The following UNC5D variants were observed in gnomAD, a reference collection of about 807,000 sequenced individuals.
The protein encoded by UNC5D is unc-5 netrin receptor D, also known as netrin receptor UNC5D.
Under a neutral mutation model 105.4 loss-of-function variants are expected in UNC5D, and 39 were observed. The observed-to-expected ratio is 0.37, with a 90% CI of 0.29 to 0.48. The LOEUF (loss-of-function observed/expected upper bound fraction) is 0.48. Ranked by LOEUF, UNC5D falls within the 20% of genes least tolerant of loss-of-function variation. The pLI is 0.98. For synonymous variants in UNC5D, 452 were observed against 450.4 expected, an observed-to-expected ratio of 1.00 and a Z score of -0.04; for missense variants, 991 against 1,202.4, an observed-to-expected ratio of 0.82 and a Z score of 2.60.
intron 2 of UNC5D, among the ~76,000 whole-genome samples, chr8:35,559,064 C>T (rs1816750436): frequency 6.6e-6 from 1 of 152,052 alleles, no homozygotes; most frequent in African/African-American, 2.4e-5. Flanking sequence ...CAAGGCCCAG[C>T]ATTACTCATG....
chr8:35,439,165 T>C (rs954016877), intron 1 of UNC5D, among the ~76,000 whole-genome samples: 2 of 152,026 alleles, frequency 1.3e-5, no homozygotes, highest in African/African-American at 4.8e-5. Context: ...GTACTTAAAA[T>C]AGTGCCTGGT....
intron 1 of UNC5D, chr8:35,525,529 G>C: frequency 6.2e-7 from 1 of 1,612,370 alleles, no homozygotes; most frequent in South Asian, 1.1e-5. Flanking sequence ...AGTGAAGCTA[G>C]GGGAGGAGGG....
Position 35,766,182 on chromosome 8 carries a change from T to C in UNC5D, c.2314-720T>C, listed in dbSNP as rs535623470. On this transcript the variant is annotated intron_variant, in intron 14 of 16. Coordinates refer to ENST00000404895, the MANE Select transcript of UNC5D (RefSeq NM_080872.4). ...GTAGGGGACTGAATCTGTTCTTGTT[T>C]CTTATTGTTTACCTAGTACAGTGTG... 2.0e-5 allele frequency among the ~76,000 whole-genome samples: 3 copies of C among 152,264 alleles called. No individual in the cohort carries two copies. In the South Asian group the frequency reaches 6.2e-4, roughly 32 times the overall value.
chr8:35,716,149 C>T (rs1182907608), intron 8 of UNC5D, among the ~76,000 whole-genome samples: 1 of 152,166 alleles, frequency 6.6e-6, no homozygotes, highest in Non-Finnish European at 1.5e-5. Flanking sequence ...GACACCGTGT[C>T]ATAAGCAGCT....
At chr8:35,430,388 T>A (rs1465170636) in intron 1 of UNC5D, among the ~76,000 whole-genome samples, 1 of 152,160 alleles carries the variant, frequency 6.6e-6, no homozygotes, top group Non-Finnish European at 1.5e-5. Flanking sequence ...TCTGTTTATC[T>A]GTACCCTTTG....
At chr8:35,428,120 T>A (rs1806365595) in intron 1 of UNC5D, among the ~76,000 whole-genome samples, 1 of 152,048 alleles carries the variant, frequency 6.6e-6, no homozygotes, top group Non-Finnish European at 1.5e-5. Context: ...TCAGGTAGCT[T>A]TTCCCACATT....
intron 1 of UNC5D, among the ~76,000 whole-genome samples, chr8:35,464,446 T>C (rs1002553225): frequency 1.3e-5 from 2 of 152,200 alleles, no homozygotes; most frequent in Non-Finnish European, 2.9e-5. Context: ...AGAAGAACCT[T>C]GAGAAAGCTG....
intron 4 of UNC5D, among the ~76,000 whole-genome samples, chr8:35,661,463 G>A (rs1824099328): frequency 6.6e-6 from 1 of 152,312 alleles, no homozygotes; most frequent in South Asian, 2.1e-4. Context: ...GGAGGGTTCG[G>A]TAGAAAGAGA....
intron 1 of UNC5D, among the ~76,000 whole-genome samples, chr8:35,265,847 G>A (rs1804826165): frequency 6.8e-6 from 1 of 147,954 alleles, no homozygotes; most frequent in Non-Finnish European, 1.5e-5. Flanking sequence ...TCCAGCCTGA[G>A]CGACAGAGCG....
intron 1 of UNC5D, among the ~76,000 whole-genome samples, chr8:35,272,526 G>A (rs867312821): frequency 3.9e-5 from 6 of 152,142 alleles, no homozygotes; most frequent in Non-Finnish European, 7.3e-5. Context: ...GCAAGTGCCC[G>A]GGACTTGAAC....
At chr8:35,587,914 T>C (rs536580644) in intron 3 of UNC5D, among the ~76,000 whole-genome samples, 159 of 146,954 alleles carry the variant, frequency 1.1e-3, no homozygotes, top group Non-Finnish European at 1.9e-3. Flanking sequence ...CAGTGGAAAA[T>C]CTTCAAAATG....
intron 8 of UNC5D, among the ~76,000 whole-genome samples, chr8:35,716,348 G>T (rs1828250356): frequency 6.6e-6 from 1 of 152,134 alleles, no homozygotes; most frequent in South Asian, 2.1e-4. Flanking sequence ...TCAGCATAAG[G>T]TTAGTGCTCA....
chr8:35,305,557 T>C (rs1808272362), intron 1 of UNC5D, among the ~76,000 whole-genome samples: 1 of 90,772 alleles, frequency 1.1e-5, no homozygotes, highest in Non-Finnish European at 2.2e-5. Context: ...TTTCTTCTCT[T>C]CCTTCCTTTC....
chr8:35,581,270 G>C (rs1586177964), intron 3 of UNC5D, among the ~76,000 whole-genome samples: 2 of 151,926 alleles, frequency 1.3e-5, no homozygotes, highest in Admixed American at 6.6e-5. Context: ...CCTCTCTTTC[G>C]GTGGAGTCTT....
chr8:35,544,595 GT>G (rs775831187), intron 1 of UNC5D: 65,056 of 564,082 alleles, frequency 0.12, 73 homozygotes, highest in African/African-American at 0.15. Context: ...TTTCGTTTTC[GT>G]TTTTTTTTTT....
intron 4 of UNC5D, among the ~76,000 whole-genome samples, chr8:35,609,149 G>A (rs1820517755): frequency 6.6e-6 from 1 of 151,996 alleles, no homozygotes; most frequent in South Asian, 2.1e-4. Flanking sequence ...ATTTACATTT[G>A]TTGATGATTA....
intron 1 of UNC5D, among the ~76,000 whole-genome samples, chr8:35,357,612 G>C (rs926080779): frequency 6.6e-6 from 1 of 152,080 alleles, no homozygotes; most frequent in African/African-American, 2.4e-5. Context: ...TTATTTCCTA[G>C]TCTGTATCTC....
intron 3 of UNC5D, among the ~76,000 whole-genome samples, chr8:35,571,830 T>G (rs1323504667): frequency 6.6e-6 from 1 of 152,190 alleles, no homozygotes; most frequent in African/African-American, 2.4e-5. Flanking sequence ...AATGAGGATT[T>G]TGATAGATGA....
At chr8:35,567,014 A>G (rs953712154) in intron 2 of UNC5D, among the ~76,000 whole-genome samples, 1 of 151,960 alleles carries the variant, frequency 6.6e-6, no homozygotes, top group Admixed American at 6.6e-5. Flanking sequence ...GAAGAAGCTC[A>G]TGCTCTCCAG....
Sources: allele counts gnomAD v4.1 joint callset (sites outside exome capture counted in the v4.1 genomes callset), GRCh38; gene constraint gnomAD v4.1.1; transcripts MANE v1.5; gene names NCBI Gene and HGNC (gene_info 2026-07-23, HGNC 2026-07-21).